The following TLL2 variants were observed in gnomAD, a reference collection of about 807,000 sequenced individuals.
The protein encoded by TLL2 is tolloid like 2, also known as tolloid-like protein 2.
Under a neutral mutation model 123.0 loss-of-function variants are expected in TLL2, and 106 were observed. The observed-to-expected ratio is 0.86, with a 90% CI of 0.74 to 1.01. The LOEUF is 1.01. TLL2 is among the 50% of genes least tolerant of loss of function. The pLI is 0.00. For missense variants in TLL2, 1,332 were observed against 1,336.7 expected (o/e 1.00, Z 0.06); for synonymous variants, 494 against 516.8 (o/e 0.96, Z 0.60).
chr10:96,376,808 G>A lies in TLL2; in HGVS notation c.2332C>T (p.His778Tyr). ...GTCCCCTCCACACTGCTGATCTTGT[G>A]TGCACAGCCAGCTGGGGGTGGCAGG... ...GHDCKEAGCA[H>Y]KISSVEGTLA... Residue 778 changes from histidine to tyrosine, a missense_variant, in exon 18 of 21, where the codon CAC becomes TAC. Coordinates refer to ENST00000357947, the MANE Select transcript of TLL2 (RefSeq NM_012465.4). 7 of 1,540,242 alleles carry A rather than the reference G, an allele frequency of 4.5e-6. No homozygotes were observed. Among genetic ancestry groups the A allele is most frequent in the Non-Finnish European group, 6.1e-6 (7 of 1,146,790 alleles).
At chr10:96,478,307 G>T (rs560473158) in intron 2 of TLL2, among the ~76,000 whole-genome samples, 1 of 152,322 alleles carries the variant, frequency 6.6e-6, no homozygotes, top group Admixed American at 6.5e-5. Flanking sequence ...GACCCAAACC[G>T]GGGAGACCAA....
In TLL2 at chr10:96,421,144, T is replaced by A. The variant is rs940185058; in HGVS notation, c.818-83A>T. ...GCAGAGGAAGGAGAAGGAGGGCCCATAACAACTTCCCAGGGCTCTCTTGGC... is the reference window on the plus strand; with the variant it reads ...GCAGAGGAAGGAGAAGGAGGGCCCAAAACAACTTCCCAGGGCTCTCTTGGC... On this transcript the variant is annotated intron_variant, in intron 6 of 20. Transcript: ENST00000357947. 18 of 1,000,550 alleles carry A rather than the reference T, an allele frequency of 1.8e-5. No individual in the cohort carries two copies. In the African/African-American group the frequency reaches 2.7e-4, roughly 15 times the overall value. 62.0% of individuals were successfully genotyped at this position (1,000,550 alleles called of 1,614,324 possible).
At chr10:96,369,283 A>G (rs1454964361) in intron 20 of TLL2, among the ~76,000 whole-genome samples, 1 of 152,216 alleles carries the variant, frequency 6.6e-6, no homozygotes, top group Non-Finnish European at 1.5e-5. Flanking sequence ...CAGCAAACAC[A>G]ATAGGCCCAC....
chr10:96,451,614 C>G (rs1846960496), intron 2 of TLL2, among the ~76,000 whole-genome samples: 1 of 152,162 alleles, frequency 6.6e-6, no homozygotes, highest in Admixed American at 6.5e-5. Flanking sequence ...CATGAGAATA[C>G]CTACCATTTT....
chr10:96,436,795 C>T (rs968778432), intron 3 of TLL2, among the ~76,000 whole-genome samples: 2 of 151,940 alleles, frequency 1.3e-5, no homozygotes, highest in East Asian at 1.9e-4. Flanking sequence ...AAGCCATCCT[C>T]CCCCCTCACC....
chr10:96,487,878 G>A (rs1834423575), intron 1 of TLL2, among the ~76,000 whole-genome samples: 2 of 152,046 alleles, frequency 1.3e-5, no homozygotes, highest in African/African-American at 4.8e-5. Flanking sequence ...AGGCTCCCAT[G>A]TACATTTCAC....
At position 96,376,630 on chromosome 10, in the gene TLL2, T is replaced by G; in HGVS notation, c.2448+62A>C. ...AGCTGGGAAGTGGCAGAGCAGAGAC[T>G]CAAACGCACATCTGCCTGATACTCA... On this transcript the variant is annotated intron_variant, in intron 18 of 20. Coordinates refer to ENST00000357947, the MANE Select transcript of TLL2 (RefSeq NM_012465.4). The G allele has an allele frequency of 2.5e-6, 4 of 1,574,724 alleles. No individual in the cohort carries two copies. In the Admixed American group the frequency reaches 7.1e-5, roughly 28 times the overall value.
chr10:96,380,361 C>T (rs1846174887), intron 16 of TLL2, among the ~76,000 whole-genome samples: 1 of 152,028 alleles, frequency 6.6e-6, no homozygotes, highest in Non-Finnish European at 1.5e-5. Context: ...TTGTTAATGT[C>T]TCCTTGAACA....
intron 2 of TLL2, among the ~76,000 whole-genome samples, chr10:96,451,903 A>AT (rs982902510): frequency 6.6e-6 from 1 of 152,238 alleles, no homozygotes; most frequent in African/African-American, 2.4e-5. Context: ...ATGTTTACTC[A>AT]TTTTTTAATA....
chr10:96,407,021 T>G (rs538134814), intron 9 of TLL2, among the ~76,000 whole-genome samples: 69 of 152,212 alleles, frequency 4.5e-4, no homozygotes, highest in African/African-American at 1.7e-3. Context: ...CCCCATTTTT[T>G]CTACACACTG....
At chr10:96,386,299 C>A in intron 14 of TLL2, 84 bp from the exon 15 acceptor site, 1 of 1,339,756 alleles carries the variant, frequency 7.5e-7, no homozygotes, top group Non-Finnish European at 1.0e-6. Context: ...TAGAGCCTTG[C>A]TGTTCTGTAA....
intron 2 of TLL2, among the ~76,000 whole-genome samples, chr10:96,465,229 G>A (rs1053696612): frequency 6.6e-6 from 1 of 152,224 alleles, no homozygotes; most frequent in Non-Finnish European, 1.5e-5. Flanking sequence ...AGACAATGTC[G>A]GTAAATAGAG....
intron 1 of TLL2, among the ~76,000 whole-genome samples, chr10:96,507,643 T>G (rs188176848): frequency 6.6e-6 from 1 of 152,326 alleles, no homozygotes; most frequent in Admixed American, 6.5e-5. Flanking sequence ...TTAATCCTTA[T>G]AGCAATCCTG....
At chr10:96,496,581 T>G (rs1486449887) in intron 1 of TLL2, among the ~76,000 whole-genome samples, 1 of 152,196 alleles carries the variant, frequency 6.6e-6, no homozygotes, top group African/African-American at 2.4e-5. Flanking sequence ...CCACCTTGCT[T>G]AAAGCAGATA....
At chr10:96,397,158 C>G (rs773497520) in intron 11 of TLL2, 28 bp downstream of exon 11, 1 of 1,588,794 alleles carries the variant, frequency 6.3e-7, no homozygotes, top group South Asian at 1.1e-5. Context: ...GAGGGGCCAC[C>G]GAGCAGCTGC....
chr10:96,511,936 A>G (rs1176858805), intron 1 of TLL2, among the ~76,000 whole-genome samples: 1 of 152,042 alleles, frequency 6.6e-6, no homozygotes, highest in Non-Finnish European at 1.5e-5. Context: ...TGCCATTCCA[A>G]TAGTGCTCTG....
intron 10 of TLL2, among the ~76,000 whole-genome samples, chr10:96,403,456 G>A (rs565659457): frequency 4.3e-4 from 65 of 152,344 alleles, no homozygotes; most frequent in African/African-American, 1.5e-3. Context: ...AAAAACATGT[G>A]TTGTATGAAA....
chr10:96,503,248 T>C lies in TLL2; in HGVS notation c.175+10263A>G, dbSNP rs142063180. ...CACAGGCCAGTGAGGTTGTTACTTA[T>C]AAGGAAATTCTAAAATAGGGAATAA... On this transcript the variant is annotated intron_variant, in intron 1 of 20. Coordinates refer to ENST00000357947, the MANE Select transcript of TLL2 (RefSeq NM_012465.4). Among the ~76,000 whole-genome samples, 335 of 152,110 alleles carry C rather than the reference T, an allele frequency of 2.2e-3. 1 individual carries two copies. The highest frequency in any genetic ancestry group is 7.7e-3 in the African/African-American group (320 of 41,478).
At chr10:96,452,570 T>A (rs1030014364) in intron 2 of TLL2, among the ~76,000 whole-genome samples, 11 of 152,192 alleles carry the variant, frequency 7.2e-5, no homozygotes, top group African/African-American at 2.7e-4. Context: ...GTACTGTTAT[T>A]CCTCTTTTAA....
Sources: allele counts gnomAD v4.1 joint callset (sites outside exome capture counted in the v4.1 genomes callset), GRCh38; gene constraint gnomAD v4.1.1; transcripts MANE v1.5; gene names NCBI Gene and HGNC (gene_info 2026-07-23, HGNC 2026-07-21).